MELK: variants seen among roughly 807,000 people sequenced by gnomAD.
MELK encodes the protein maternal embryonic leucine zipper kinase, also known as pEg3 kinase.
In MELK, 81 loss-of-function variants were observed where a neutral mutation model predicts 85.0. That is an observed-to-expected ratio of 0.95 (90% CI 0.80 to 1.15). MELK has a LOEUF of 1.15. Among genes scored for constraint, MELK ranks in the 50% most tolerant of loss-of-function variants. The pLI is 0.00. For synonymous variants in MELK, 252 were observed against 265.0 expected (o/e 0.95, Z 0.48); for missense variants, 754 against 777.5 (o/e 0.97, Z 0.36).
intron 1 of MELK, among the ~76,000 whole-genome samples, chr9:36,573,731 T>C (rs1821340913): frequency 6.6e-6 from 1 of 152,128 alleles, no homozygotes; most frequent in African/African-American, 2.4e-5. Flanking sequence ...GGTCTCCAGC[T>C]CGTGTCCTCA....
At chr9:36,609,914 AAGGGTG>A (rs1388376258) in intron 8 of MELK, among the ~76,000 whole-genome samples, 1 of 152,180 alleles carries the variant, frequency 6.6e-6, no homozygotes, top group Non-Finnish European at 1.5e-5. Flanking sequence ...AAAAACGGCA[AAGGGTG>A]AGGAATGCCA....
intron 10 of MELK, among the ~76,000 whole-genome samples, chr9:36,633,645 A>G (rs1447897610): frequency 6.6e-6 from 1 of 152,228 alleles, no homozygotes; most frequent in Non-Finnish European, 1.5e-5. Flanking sequence ...TTTATTCATT[A>G]AAAACTAATA....
intron 4 of MELK, among the ~76,000 whole-genome samples, chr9:36,593,810 G>A (rs1823899454): frequency 6.6e-6 from 1 of 152,106 alleles, no homozygotes; most frequent in Admixed American, 6.6e-5. Context: ...TCCTGCCTCA[G>A]TCTCCTGAGT....
At chr9:36,667,908 C>T (rs1832537887) in intron 14 of MELK, among the ~76,000 whole-genome samples, 1 of 152,128 alleles carries the variant, frequency 6.6e-6, no homozygotes. Context: ...GCTGGGATTA[C>T]AGGTGCGCAC....
At chr9:36,647,704 G>T (rs1830352871) in intron 11 of MELK, among the ~76,000 whole-genome samples, 1 of 151,840 alleles carries the variant, frequency 6.6e-6, no homozygotes, top group African/African-American at 2.4e-5. Context: ...GGCTGGGCTG[G>T]TCTCGATCTC....
At position 36,623,367 on chromosome 9, in the gene MELK, A is replaced by G. The variant is rs1037062387; in HGVS notation, c.667-6932A>G. On this transcript the variant is annotated intron_variant, in intron 8 of 17. Transcript: ENST00000298048. Reference sequence around the variant, plus strand: ...TGTACAAGTGTTTTGCGCATTTTAAAGCACGGTGTACAAATAAGAGATTTG... The same window carrying G: ...TGTACAAGTGTTTTGCGCATTTTAAGGCACGGTGTACAAATAAGAGATTTG... Among the ~76,000 whole-genome samples the G allele has an allele frequency of 2.6e-5, 4 of 152,246 alleles. No homozygotes were observed. In the East Asian group the frequency reaches 7.7e-4, roughly 29 times the overall value.
Position 36,649,976 on chromosome 9 carries a change from C to T in MELK, c.922-1770C>T, listed in dbSNP as rs181537984. The stretch of plus-strand genomic sequence containing the variant: ...TATTTATTTTTGAGACAGAATCTCG[C>T]TCTGTCGCCCAGGCTGGAGTGCAGT... On this transcript the variant is annotated intron_variant, in intron 11 of 17. Transcript: ENST00000298048. 5.1e-3 allele frequency among the ~76,000 whole-genome samples: 773 copies of T among 151,950 alleles called. 6 individuals are homozygous for T. The highest frequency in any genetic ancestry group is 7.8e-3 in the Non-Finnish European group (530 of 67,960).
At chr9:36,602,662 C>T (rs962430048) in intron 7 of MELK, among the ~76,000 whole-genome samples, 2 of 149,656 alleles carry the variant, frequency 1.3e-5, no homozygotes, top group African/African-American at 2.5e-5. Context: ...TGGGTTCAAG[C>T]GATTCTCCTG....
chr9:36,668,904 T>A (rs960687421), intron 14 of MELK, among the ~76,000 whole-genome samples: 1 of 152,190 alleles, frequency 6.6e-6, no homozygotes, highest in Admixed American at 6.5e-5. Flanking sequence ...ATGAATTCAA[T>A]TAACACCTTT....
chr9:36,662,351 C>G (rs553407168), intron 13 of MELK, among the ~76,000 whole-genome samples: 1 of 151,104 alleles, frequency 6.6e-6, no homozygotes, highest in Non-Finnish European at 1.5e-5. Context: ...TCAAGTGATT[C>G]TCCTGCCTCA....
rs1833333538 is a variant in MELK at position 36,676,236 on chromosome 9, G to C, written c.1779-924G>C. On this transcript the variant is annotated intron_variant, in intron 17 of 17. Transcript: ENST00000298048. ...AAGTTAGTAAGAAAAAGAATATTTT[G>C]GTACATAACAGTATGAAACAGAAAA... Among the ~76,000 whole-genome samples, 4 of 152,014 alleles carry C rather than the reference G, an allele frequency of 2.6e-5. No individual in the cohort carries two copies. In the South Asian group the frequency reaches 8.3e-4, roughly 32 times the overall value.
rs181334440 is a variant in MELK, at chr9:36,614,235, A to G, written c.666+6562A>G. Among the ~76,000 whole-genome samples, 11 of 151,468 alleles carry G rather than the reference A, an allele frequency of 7.3e-5. No individual in the cohort carries two copies. In the East Asian group the frequency reaches 2.1e-3, roughly 29 times the overall value. Reference sequence around the variant, plus strand: ...CTCACCCTCCTGAGTAGCTAGGATTATAGGTCCTTGCCACCATGCGTGGCT... The same window carrying G: ...CTCACCCTCCTGAGTAGCTAGGATTGTAGGTCCTTGCCACCATGCGTGGCT... On this transcript the variant is annotated intron_variant, in intron 8 of 17. Coordinates refer to ENST00000298048, the MANE Select transcript of MELK (RefSeq NM_014791.4).
At chr9:36,675,877 G>T (rs756460153) in intron 17 of MELK, among the ~76,000 whole-genome samples, 5 of 152,216 alleles carry the variant, frequency 3.3e-5, no homozygotes, top group African/African-American at 2.4e-5. Context: ...TATAGAGTAA[G>T]ATTTGAAGAA....
chr9:36,636,802 T>TCTGTCTG (rs1829243605), intron 10 of MELK, among the ~76,000 whole-genome samples: 9 of 75,328 alleles, frequency 1.2e-4, no homozygotes, highest in East Asian at 4.0e-4. Context: ...CTTTCTTTCT[T>TCTGTCTG]TCTGTCTTTC....
rs62637654 is a variant in MELK, at chr9:36,671,111, T to C, written c.1619T>C (p.Val540Ala). 8.7e-4 allele frequency: 1,397 copies of C among 1,611,784 alleles called. 13 individuals carry two copies. The African/African-American group carries it at 0.017, about 20-fold the overall frequency. Residue 540 changes from valine (V) to alanine (A), a missense_variant, in exon 16 of 18, where the codon GTG (valine) becomes GCG (alanine). Physicochemically the swap from Val to Ala is moderately conservative, Grantham distance 64. Transcript: ENST00000298048. The stretch of plus-strand genomic sequence containing the variant: ...AGGGGGTTGGATAAGGTTATCACTG[T>C]GCTCACCAGGAGCAAAAGGAAGGGT... Reference protein sequence around the residue: ...LERGLDKVITVLTRSKRKGSA... With the variant: ...LERGLDKVITALTRSKRKGSA...
In MELK at chr9:36,665,348, A is replaced by G. The variant is rs1183556546; in HGVS notation, c.1177-2A>G. On this transcript the variant is annotated splice_acceptor_variant, in intron 13 of 17. Transcript: ENST00000298048. LOFTEE classifies it high-confidence loss of function. The stretch of plus-strand genomic sequence containing the variant: ...CTTTATCTAGTAACTTTTTTTTTCC[A>G]GTTTACCAAGTACTGGACAGAATCA... The G allele has an allele frequency of 3.8e-6, 6 of 1,576,374 alleles. No individual in the cohort carries two copies. The African/African-American group carries it at 6.9e-5, about 18-fold the overall frequency.
intron 13 of MELK, among the ~76,000 whole-genome samples, chr9:36,664,723 G>T (rs1832166564): frequency 6.6e-6 from 1 of 152,100 alleles, no homozygotes; most frequent in Non-Finnish European, 1.5e-5. Context: ...TGGGAGCTTT[G>T]GTTCTAACTC....
rs185037402 is a variant in MELK at position 36,592,205 on chromosome 9, C to T, written c.262-2423C>T. 6.0e-4 allele frequency among the ~76,000 whole-genome samples: 84 copies of T among 139,994 alleles called. No individual in the cohort carries two copies. In the East Asian group the frequency reaches 0.013, roughly 22 times the overall value. The allele number at this position is 139,994 out of a possible 152,430, so 91.8% of individuals were successfully genotyped here. A position where few individuals can be genotyped will look rare whatever the true frequency, so the allele number is the denominator to read the frequency against. On this transcript the variant is annotated intron_variant, in intron 4 of 17. Coordinates refer to ENST00000298048, the MANE Select transcript of MELK (RefSeq NM_014791.4). ...TTTTTTTTTTTTTGAGACGGAGTCT[C>T]ACACTGTCTTGAGTGCTGGAGTGCA... is the stretch of plus-strand genomic sequence containing the variant.
intron 8 of MELK, among the ~76,000 whole-genome samples, chr9:36,617,282 C>T (rs931543799): frequency 1.3e-5 from 2 of 151,850 alleles, no homozygotes; most frequent in Admixed American, 1.3e-4. Context: ...TTTTGCTGTG[C>T]AGGAATTTTT....
Sources: allele counts gnomAD v4.1 joint callset (sites outside exome capture counted in the v4.1 genomes callset), GRCh38; gene constraint gnomAD v4.1.1; transcripts MANE v1.5; gene names NCBI Gene and HGNC (gene_info 2026-07-23, HGNC 2026-07-21).